CCSER1: variants seen among roughly 807,000 people sequenced by gnomAD.
The protein encoded by CCSER1 is coiled-coil serine rich protein 1, also known as serine-rich coiled-coil domain-containing protein 1.
A neutral mutation model predicts 82.0 loss-of-function variants in CCSER1; 41 were observed. The observed-to-expected ratio is 0.50, with a 90% CI of 0.39 to 0.65. The LOEUF is 0.65. Among genes scored for constraint, CCSER1 ranks in the 30% least tolerant of loss-of-function variants. The probability of loss-of-function intolerance (pLI) is 0.00; values close to 1 mark genes in which losing one functional copy is unlikely to be tolerated. For synonymous variants in CCSER1, 414 were observed against 383.9 expected (o/e 1.08, Z -0.92); for missense variants, 1,119 against 1,064.2 (o/e 1.05, Z -0.72).
chr4:91,148,585 T>C (rs1269055731), intron 10 of CCSER1, among the ~76,000 whole-genome samples: 2 of 152,144 alleles, frequency 1.3e-5, no homozygotes, highest in Non-Finnish European at 2.9e-5. Context: ...GCTGCACCCA[T>C]TAACTCATCA....
Position 91,242,223 on chromosome 4 carries a change from A to G in CCSER1, c.2217+156229A>G, listed in dbSNP as rs948752732. 2.0e-5 allele frequency among the ~76,000 whole-genome samples: 3 copies of G among 152,218 alleles called. No homozygotes were observed. In the South Asian group the frequency reaches 6.2e-4, roughly 31 times the overall value. ...CTGAGGTGGGAAACTCCTGGAGCCTAGTAAAGTGGACGGTGTGATTGGAAG... is the reference window on the plus strand; with the variant it reads ...CTGAGGTGGGAAACTCCTGGAGCCTGGTAAAGTGGACGGTGTGATTGGAAG... On this transcript the variant is annotated intron_variant, in intron 10 of 10. Coordinates refer to ENST00000509176, the MANE Select transcript of CCSER1 (RefSeq NM_001145065.2).
chr4:90,711,671 G>T (rs1358097144), intron 6 of CCSER1, among the ~76,000 whole-genome samples: 2 of 151,574 alleles, frequency 1.3e-5, no homozygotes, highest in Non-Finnish European at 2.9e-5. Context: ...ATGCATCCCA[G>T]GGATGCAGCC....
chr4:91,249,724 A>G (rs370435304), intron 10 of CCSER1, among the ~76,000 whole-genome samples: 189 of 152,194 alleles, frequency 1.2e-3, no homozygotes, highest in African/African-American at 4.3e-3. Flanking sequence ...CTGTCTTGGT[A>G]GTTTCCATAT....
At chr4:90,537,692 A>T (rs1225468855) in intron 5 of CCSER1, among the ~76,000 whole-genome samples, 1 of 152,146 alleles carries the variant, frequency 6.6e-6, no homozygotes, top group Non-Finnish European at 1.5e-5. Context: ...ACAGCTGTGT[A>T]AGGACTTTTC....
At chr4:90,422,306 A>G (rs1415466171) in intron 4 of CCSER1, among the ~76,000 whole-genome samples, 4 of 152,192 alleles carry the variant, frequency 2.6e-5, no homozygotes, top group African/African-American at 4.8e-5. Flanking sequence ...TTTCATCCCT[A>G]TTCTGAAGAG....
chr4:90,625,754 AT>A (rs1723143478), intron 5 of CCSER1, among the ~76,000 whole-genome samples: 1 of 152,216 alleles, frequency 6.6e-6, no homozygotes, highest in Admixed American at 6.5e-5. Flanking sequence ...AAATGCCATC[AT>A]CTTTTCCTTT....
intron 1 of CCSER1, among the ~76,000 whole-genome samples, chr4:90,252,826 TAAC>T (rs1213963538): frequency 6.6e-6 from 1 of 151,998 alleles, no homozygotes; most frequent in Non-Finnish European, 1.5e-5. Flanking sequence ...CTATTTCTAC[TAAC>T]TTTTAAATTT....
chr4:90,560,425 T>G (rs773931300), intron 5 of CCSER1, among the ~76,000 whole-genome samples: 3 of 152,082 alleles, frequency 2.0e-5, no homozygotes, highest in Non-Finnish European at 4.4e-5. Context: ...CTGTATAATT[T>G]TACCGGTTGG....
At chr4:91,342,969 T>G (rs1747810931) in intron 10 of CCSER1, among the ~76,000 whole-genome samples, 1 of 152,096 alleles carries the variant, frequency 6.6e-6, no homozygotes, top group African/African-American at 2.4e-5. Context: ...ATTATATTTT[T>G]ATATGTAAGC....
At chr4:90,773,171 T>C (rs1377556423) in intron 7 of CCSER1, among the ~76,000 whole-genome samples, 1 of 152,078 alleles carries the variant, frequency 6.6e-6, no homozygotes, top group Non-Finnish European at 1.5e-5. Context: ...ACCCAGGAGA[T>C]GGAGGTTGCG....
chr4:91,139,265 T>C (rs940886625), intron 10 of CCSER1, among the ~76,000 whole-genome samples: 9 of 138,710 alleles, frequency 6.5e-5, no homozygotes, highest in African/African-American at 2.3e-4. Flanking sequence ...ATGTACCACA[T>C]TTTTTTTTTA....
intron 9 of CCSER1, among the ~76,000 whole-genome samples, chr4:90,980,293 G>C (rs1056825896): frequency 6.6e-6 from 1 of 151,782 alleles, no homozygotes; most frequent in Non-Finnish European, 1.5e-5. Flanking sequence ...AAATATGATA[G>C]CTCTGAGGCA....
intron 8 of CCSER1, among the ~76,000 whole-genome samples, chr4:90,895,554 A>C (rs1723581367): frequency 6.6e-6 from 1 of 152,002 alleles, no homozygotes; most frequent in South Asian, 2.1e-4. Flanking sequence ...AATTGCAGGA[A>C]TCAAACTAGT....
At chr4:90,493,921 T>C (rs1158254562) in intron 5 of CCSER1, among the ~76,000 whole-genome samples, 2 of 152,046 alleles carry the variant, frequency 1.3e-5, no homozygotes, top group Non-Finnish European at 2.9e-5. Flanking sequence ...AACAATAAAT[T>C]AACCTTAAAT....
chr4:90,965,399 C>T (rs1734464020), intron 9 of CCSER1, among the ~76,000 whole-genome samples: 2 of 152,048 alleles, frequency 1.3e-5, no homozygotes, highest in South Asian at 2.1e-4. Context: ...GTTTTCTCAC[C>T]TCTGGGTGAC....
chr4:90,603,222 G>C (rs1784237058), intron 5 of CCSER1, among the ~76,000 whole-genome samples: 1 of 152,174 alleles, frequency 6.6e-6, no homozygotes, highest in Non-Finnish European at 1.5e-5. Context: ...CAAATGTTAG[G>C]CCCATTATTT....
chr4:90,433,730 C>A (rs890292093), intron 4 of CCSER1, among the ~76,000 whole-genome samples: 2 of 151,808 alleles, frequency 1.3e-5, no homozygotes. Flanking sequence ...TAATGTGGAA[C>A]CTTTGATGGT....
chr4:90,778,834 A>G (rs1753333118), intron 7 of CCSER1, among the ~76,000 whole-genome samples: 1 of 152,168 alleles, frequency 6.6e-6, no homozygotes, highest in Non-Finnish European at 1.5e-5. Flanking sequence ...TTAATTTACT[A>G]TGATTTATTT....
At chr4:91,091,543 G>A (rs1032776593) in intron 10 of CCSER1, among the ~76,000 whole-genome samples, 2 of 152,142 alleles carry the variant, frequency 1.3e-5, no homozygotes, top group African/African-American at 4.8e-5. Flanking sequence ...ATGTTATAAG[G>A]AAAATAAGTC....
Sources: allele counts gnomAD v4.1 joint callset (sites outside exome capture counted in the v4.1 genomes callset), GRCh38; gene constraint gnomAD v4.1.1; transcripts MANE v1.5; gene names NCBI Gene and HGNC (gene_info 2026-07-23, HGNC 2026-07-21).